Variants in SFXN5 observed in about 807,000 individuals in gnomAD.
The protein encoded by SFXN5 is sideroflexin-5.
A neutral mutation model predicts 50.2 loss-of-function variants in SFXN5; 43 were observed. The ratio of observed to expected loss-of-function variants is 0.86; its 90% CI spans 0.67 to 1.11. The LOEUF is 1.11. Among genes scored for constraint, SFXN5 ranks in the 50% least tolerant of loss-of-function variants. SFXN5 has a pLI of 0.00. For synonymous variants in SFXN5, 203 were observed against 185.8 expected (o/e 1.09, Z -0.75); for missense variants, 463 against 454.1 (o/e 1.02, Z -0.18).
In SFXN5 at chr2:73,047,307, ATG is replaced by A. The variant is rs1168959441; in HGVS notation, c.172-6378_172-6377del. The stretch of plus-strand genomic sequence containing the variant: ...ATATATATATATATATAAAATATAT[ATG>A]TGTGTGTATGTATATATATGTGTAT... On this transcript the variant is annotated intron_variant, in intron 2 of 13. Coordinates refer to ENST00000272433, the MANE Select transcript of SFXN5 (RefSeq NM_144579.3). Among the ~76,000 whole-genome samples the A allele has an allele frequency of 3.4e-3, 235 of 68,230 alleles. 4 individuals are homozygous for A. Among genetic ancestry groups the A allele is most frequent in the African/African-American group, 8.3e-3 (168 of 20,276 alleles). 44.8% of individuals were successfully genotyped at this position (68,230 alleles called of 152,430 possible).
intron 6 of SFXN5, among the ~76,000 whole-genome samples, chr2:73,015,280 T>C (rs1676008602): frequency 6.6e-6 from 1 of 152,226 alleles, no homozygotes. Flanking sequence ...TTCTCTAATG[T>C]TATCATATTT....
chr2:72,957,784 AC>A (rs1475502082), intron 13 of SFXN5, among the ~76,000 whole-genome samples: 1 of 152,224 alleles, frequency 6.6e-6, no homozygotes. Flanking sequence ...TGGGTCCCAA[AC>A]AGGGCTCAAA....
intron 13 of SFXN5, among the ~76,000 whole-genome samples, chr2:72,951,414 G>A (rs1672521814): frequency 6.6e-6 from 1 of 152,210 alleles, no homozygotes; most frequent in Non-Finnish European, 1.5e-5. Flanking sequence ...TTCCCTTGTG[G>A]TGTGGGAAGG....
chr2:72,968,885 C>T (rs1674812232), intron 11 of SFXN5, among the ~76,000 whole-genome samples: 1 of 151,940 alleles, frequency 6.6e-6, no homozygotes. Flanking sequence ...TCACTTCAAC[C>T]TCTGCCTCCC....
intron 5 of SFXN5, chr2:73,020,922 G>A (rs1361237730): frequency 6.6e-6 from 1 of 152,320 alleles, no homozygotes; most frequent in Non-Finnish European, 1.5e-5. Flanking sequence ...ACAGCCTCCT[G>A]TCCCCAACCT....
chr2:73,036,794 G>C (rs1236098544), intron 3 of SFXN5, among the ~76,000 whole-genome samples: 1 of 152,206 alleles, frequency 6.6e-6, no homozygotes, highest in Non-Finnish European at 1.5e-5. Context: ...AAAGGGCTGG[G>C]GACTGCTTCG....
chr2:72,968,407 T>TC (rs775490591), intron 12 of SFXN5, 41 bp downstream of exon 12: 1 of 901,744 alleles, frequency 1.1e-6, no homozygotes, highest in Admixed American at 1.9e-5. Flanking sequence ...CTCCCCCTCC[T>TC]CCCCCATGGT....
At chr2:73,024,027 C>T (rs1677243288) in intron 3 of SFXN5, among the ~76,000 whole-genome samples, 1 of 152,100 alleles carries the variant, frequency 6.6e-6, no homozygotes, top group South Asian at 2.1e-4. Flanking sequence ...GACTGTAATA[C>T]CAAGACCCCC....
At chr2:73,035,470 C>G (rs534882477) in intron 3 of SFXN5, among the ~76,000 whole-genome samples, 6 of 150,864 alleles carry the variant, frequency 4.0e-5, no homozygotes, top group East Asian at 3.9e-4. Flanking sequence ...TCCTCAGAAC[C>G]AGTGATTCAT....
At chr2:72,993,973 G>A (rs898393854) in intron 9 of SFXN5, among the ~76,000 whole-genome samples, 3 of 152,150 alleles carry the variant, frequency 2.0e-5, no homozygotes, top group African/African-American at 7.2e-5. Context: ...CTCAAAAAAT[G>A]TCTCCCAGTC....
At chr2:72,983,903 G>A (rs1350834849) in intron 10 of SFXN5, among the ~76,000 whole-genome samples, 1 of 152,154 alleles carries the variant, frequency 6.6e-6, no homozygotes. Flanking sequence ...GCTAGAGCTG[G>A]GGGTGTGTAT....
chr2:72,958,865 C>T (rs1302088241), intron 13 of SFXN5, among the ~76,000 whole-genome samples: 1 of 152,142 alleles, frequency 6.6e-6, no homozygotes, highest in Non-Finnish European at 1.5e-5. Flanking sequence ...TAGCTTTAAT[C>T]TTGGTGTGCG....
chr2:72,944,891 A>G lies in SFXN5; in HGVS notation c.*131T>C. On this transcript the variant is annotated 3_prime_UTR_variant, in exon 14 of 14. Transcript: ENST00000272433. ...GTCAGTCTCCCTCCACTGTAGGTTG[A>G]GCACTCTCCCAGGGGGCCCAGGACT... 1.4e-6 allele frequency: 1 copy of G among 725,394 alleles called. No homozygotes were observed. 44.9% of individuals were successfully genotyped at this position (725,394 alleles called of 1,614,324 possible). A position where few individuals can be genotyped will look rare whatever the true frequency, so the allele number is the denominator to read the frequency against.
intron 10 of SFXN5, among the ~76,000 whole-genome samples, chr2:72,972,110 C>A (rs572468809): frequency 6.6e-6 from 1 of 152,364 alleles, no homozygotes; most frequent in Non-Finnish European, 1.5e-5. Flanking sequence ...TCCTCTTAAA[C>A]TGTCGGTCCA....
In SFXN5 at chr2:73,044,859, C is replaced by T. The variant is rs113270970; in HGVS notation, c.172-3928G>A. Among the ~76,000 whole-genome samples the T allele has an allele frequency of 2.6e-5, 4 of 152,340 alleles. 1 individual carries two copies. Among genetic ancestry groups the T allele is most frequent in the African/African-American group, 9.6e-5 (4 of 41,586 alleles). ...GAGGGGCCTGCACCCAGGAGGTCTG[C>T]TCCAGCAGCACAGAATTTGAACAGA... On this transcript the variant is annotated intron_variant, in intron 2 of 13. Coordinates refer to ENST00000272433, the MANE Select transcript of SFXN5 (RefSeq NM_144579.3).
rs1670288899 is a variant in SFXN5, at chr2:72,973,701, C to T, written c.626-2016G>A. Among the ~76,000 whole-genome samples, 1 of 152,150 alleles carries T rather than the reference C, an allele frequency of 6.6e-6. No individual in the cohort carries two copies. The highest frequency in any genetic ancestry group is 2.4e-5 in the African/African-American group (1 of 41,444). ...GGCTCCATATCTCTCCCGCCTCAGC[C>T]CCAGGCGCCCAGGGCTCAGGGCCCA... On this transcript the variant is annotated intron_variant, in intron 10 of 13. Transcript: ENST00000272433. The surrounding 1 kb of genome is among the most constrained non-coding windows in gnomAD (Gnocchi z 5.5).
rs542591524 is a variant in SFXN5 at position 72,947,276 on chromosome 2, A to G, written c.946-2177T>C. Among the ~76,000 whole-genome samples the G allele has an allele frequency of 1.2e-4, 19 of 152,360 alleles. No individual in the cohort carries two copies. In the South Asian group the frequency reaches 3.9e-3, roughly 32 times the overall value. ...CTCAGTGTGGAATACATGGGCAGAA[A>G]GAAAAGAGCACTGGAATAGAATAGG... On this transcript the variant is annotated intron_variant, in intron 13 of 13. Coordinates refer to ENST00000272433, the MANE Select transcript of SFXN5 (RefSeq NM_144579.3).
intron 9 of SFXN5, among the ~76,000 whole-genome samples, chr2:72,991,767 A>C (rs1056346250): frequency 6.6e-6 from 1 of 152,252 alleles, no homozygotes; most frequent in African/African-American, 2.4e-5. Context: ...TTTCCCTGGC[A>C]CGGCGGGTCC....
At chr2:72,967,754 C>A (rs1228625347) in intron 12 of SFXN5, among the ~76,000 whole-genome samples, 1 of 152,024 alleles carries the variant, frequency 6.6e-6, no homozygotes, top group Non-Finnish European at 1.5e-5. Flanking sequence ...CCTAGGGGAC[C>A]CTCCCCTGCC....
Sources: gnomAD v4.1 joint callset for allele counts (sites outside exome capture counted in the v4.1 genomes callset) on GRCh38, gnomAD v4.1.1 for gene constraint, Gnocchi (gnomAD v3.1) non-coding constraint, MANE v1.5 for transcripts, NCBI Gene and HGNC (gene_info 2026-07-23, HGNC 2026-07-21) for gene names.